CTNNA2: variants seen among roughly 807,000 people sequenced by gnomAD.
The protein encoded by CTNNA2 is catenin alpha 2.
CTNNA2 carries 42 observed loss-of-function variants against 101.0 expected under a neutral mutation model. The observed-to-expected ratio is 0.42, with a 90% CI of 0.32 to 0.54. The LOEUF (loss-of-function observed/expected upper bound fraction) is 0.54. Among genes scored for constraint, CTNNA2 ranks in the 20% least tolerant of loss-of-function variants. The probability of loss-of-function intolerance (pLI) is 0.14; values close to 1 mark genes in which losing one functional copy is unlikely to be tolerated. For synonymous variants in CTNNA2, 450 were observed against 456.4 expected (o/e 0.99, Z 0.18); for missense variants, 871 against 1,223.1 (o/e 0.71, Z 4.29).
intron 8 of CTNNA2, among the ~76,000 whole-genome samples, chr2:80,414,828 T>C (rs567749636): frequency 6.6e-6 from 1 of 152,260 alleles, no homozygotes; most frequent in Admixed American, 6.5e-5. Flanking sequence ...TGACAATAGG[T>C]CTTCTAGGGA....
At chr2:80,456,615 G>A (rs892493794) in intron 9 of CTNNA2, among the ~76,000 whole-genome samples, 1 of 152,154 alleles carries the variant, frequency 6.6e-6, no homozygotes, top group African/African-American at 2.4e-5. Context: ...AGTGTTTAAG[G>A]GCTCAAGGCT....
In CTNNA2 at chr2:79,892,618, G is replaced by C. The variant is rs189958016; in HGVS notation, c.853-16976G>C. On this transcript the variant is annotated intron_variant, in intron 6 of 18. Transcript: ENST00000402739. ...ATAGGGCACTTGTATTTTATCCCCA[G>C]TAGGGGAAAGAAAGAGAAAGAGACA... Among the ~76,000 whole-genome samples, 176 of 152,310 alleles carry C rather than the reference G, an allele frequency of 1.2e-3. 2 individuals carry two copies. Among genetic ancestry groups the C allele is most frequent in the Middle Eastern group, 3.4e-3 (1 of 294 alleles).
At chr2:79,419,375 AAGTT>A (rs1458063060) in intron 4 of CTNNA2, among the ~76,000 whole-genome samples, 6 of 152,120 alleles carry the variant, frequency 3.9e-5, no homozygotes, top group Non-Finnish European at 8.8e-5. Context: ...AAGAATAATG[AAGTT>A]AGTTAATAAT....
At chr2:80,571,813 T>G (rs1347202123) in intron 12 of CTNNA2, among the ~76,000 whole-genome samples, 1 of 152,174 alleles carries the variant, frequency 6.6e-6, no homozygotes, top group African/African-American at 2.4e-5. Flanking sequence ...GGATTCAGAA[T>G]AGGGCTGGGG....
chr2:79,278,411 G>T (rs1189728840), intron 2 of CTNNA2, among the ~76,000 whole-genome samples: 1 of 151,988 alleles, frequency 6.6e-6, no homozygotes, highest in East Asian at 1.9e-4. Context: ...GAAAGGTATT[G>T]GTAATAGGGG....
At chr2:80,479,158 GT>G (rs1178162621) in intron 9 of CTNNA2, among the ~76,000 whole-genome samples, 10 of 151,848 alleles carry the variant, frequency 6.6e-5, no homozygotes, top group African/African-American at 1.5e-4. Flanking sequence ...TTTATTAACA[GT>G]TTTTTTCCTC....
At chr2:80,168,605 T>C (rs1162814167) in intron 7 of CTNNA2, among the ~76,000 whole-genome samples, 2 of 152,122 alleles carry the variant, frequency 1.3e-5, no homozygotes, top group African/African-American at 4.8e-5. Context: ...TGGGAGGAGT[T>C]GTTTCCAGGC....
At chr2:79,257,396 G>A (rs752072128) in intron 2 of CTNNA2, among the ~76,000 whole-genome samples, 1 of 151,918 alleles carries the variant, frequency 6.6e-6, no homozygotes, top group African/African-American at 2.4e-5. Context: ...GAGAAAGCAG[G>A]GGACACACAA....
intron 7 of CTNNA2, among the ~76,000 whole-genome samples, chr2:80,367,205 A>G (rs1023321401): frequency 2.0e-5 from 3 of 152,078 alleles, no homozygotes; most frequent in African/African-American, 7.2e-5. Flanking sequence ...GAAAAACGGA[A>G]AACAAAATAC....
intron 9 of CTNNA2, among the ~76,000 whole-genome samples, chr2:80,426,137 T>C (rs1680966710): frequency 6.6e-6 from 1 of 152,048 alleles, no homozygotes; most frequent in African/African-American, 2.4e-5. Flanking sequence ...AAAGATTAGC[T>C]AAGGACTTCA....
intron 3 of CTNNA2, among the ~76,000 whole-genome samples, chr2:79,761,912 A>T (rs1212430560): frequency 6.6e-6 from 1 of 152,210 alleles, no homozygotes; most frequent in Non-Finnish European, 1.5e-5. Flanking sequence ...TTTAACTATA[A>T]GTGTGAGTAT....
chr2:79,203,826 C>T (rs543962739), intron 2 of CTNNA2, among the ~76,000 whole-genome samples: 4 of 152,248 alleles, frequency 2.6e-5, no homozygotes, highest in Non-Finnish European at 5.9e-5. Flanking sequence ...TTTTAGACTA[C>T]TTTTTTCCAA....
At chr2:80,535,042 G>A (rs976800613) in intron 9 of CTNNA2, among the ~76,000 whole-genome samples, 2 of 152,140 alleles carry the variant, frequency 1.3e-5, no homozygotes, top group African/African-American at 4.8e-5. Flanking sequence ...CTAACGGGTT[G>A]AAATAAGCAG....
rs1707687776 is a variant in CTNNA2, at chr2:80,208,661, C to T, written c.1057-184550C>T. On this transcript the variant is annotated intron_variant, in intron 7 of 18. Coordinates refer to ENST00000402739, the MANE Select transcript of CTNNA2 (RefSeq NM_001282597.3). ...AGGGCTGAGACCTCGCGTACCATCC[C>T]TAAGGATCCAGGCCTCAGGCATAGC... 2.0e-5 allele frequency among the ~76,000 whole-genome samples: 3 copies of T among 152,148 alleles called. No individual in the cohort carries two copies. The South Asian group carries it at 6.2e-4, about 32-fold the overall frequency.
At chr2:80,631,547 T>C (rs1017209763) in intron 18 of CTNNA2, among the ~76,000 whole-genome samples, 2 of 152,044 alleles carry the variant, frequency 1.3e-5, no homozygotes, top group African/African-American at 2.4e-5. Flanking sequence ...CAGTTTTAGA[T>C]TGAAGGGAAC....
At chr2:79,493,685 A>T (rs1381650499) in intron 4 of CTNNA2, 1 of 152,208 alleles carries the variant, frequency 6.6e-6, no homozygotes, top group East Asian at 1.9e-4. Context: ...AGTGATCTTC[A>T]TTTCTATCTA....
chr2:79,412,028 CA>C (rs1678419039), intron 4 of CTNNA2, among the ~76,000 whole-genome samples: 2 of 151,680 alleles, frequency 1.3e-5, no homozygotes, highest in African/African-American at 2.4e-5. Context: ...CACATAGGCT[CA>C]AAATAAAAGG....
At chr2:80,306,920 G>T (rs993776509) in intron 7 of CTNNA2, among the ~76,000 whole-genome samples, 2 of 152,184 alleles carry the variant, frequency 1.3e-5, no homozygotes, top group Non-Finnish European at 2.9e-5. Flanking sequence ...AGAGGCAGAA[G>T]AGTTGAGTGT....
chr2:79,286,954 C>A (rs1348208209), intron 2 of CTNNA2, among the ~76,000 whole-genome samples: 3 of 152,202 alleles, frequency 2.0e-5, no homozygotes, highest in Admixed American at 6.5e-5. Context: ...TTGCTCATTT[C>A]TTTTTATTCT....
Sources: gnomAD v4.1 joint callset for allele counts (sites outside exome capture counted in the v4.1 genomes callset) on GRCh38, gnomAD v4.1.1 for gene constraint, MANE v1.5 for transcripts, NCBI Gene and HGNC (gene_info 2026-07-23, HGNC 2026-07-21) for gene names.